Variants in FAM20A observed in about 807,000 individuals in gnomAD.
FAM20A encodes pseudokinase FAM20A.
A neutral mutation model predicts 52.0 loss-of-function variants in FAM20A; 42 were observed. The observed-to-expected ratio is 0.81, with a 90% confidence interval of 0.63 to 1.04. The LOEUF is 1.04. FAM20A is among the 50% of genes least tolerant of loss of function. FAM20A has a pLI of 0.00. For missense variants in FAM20A, 742 were observed against 712.7 expected (o/e 1.04, Z -0.47); for synonymous variants, 304 against 298.9 (o/e 1.02, Z -0.18).
rs765916426 is a variant in FAM20A at position 68,536,782 on chromosome 17, G to T, written c.*695C>A. ...TATTTATTCTGTTACTGGCTGCTTA[G>T]TGTGACATATTTGATGTTATTTCAA... On this transcript the variant is annotated 3_prime_UTR_variant, in exon 11 of 11. Transcript: ENST00000592554. 2.4e-5 allele frequency: 11 copies of T among 453,832 alleles called. No individual in the cohort carries two copies. Among genetic ancestry groups the T allele is most frequent in the African/African-American group, 1.2e-4 (6 of 49,914 alleles). The allele number at this position is 453,832 out of a possible 1,614,324, so 28.1% of individuals were successfully genotyped here.
intron 1 of FAM20A, among the ~76,000 whole-genome samples, chr17:68,575,545 TTA>T (rs548233188): frequency 9.1e-6 from 1 of 110,454 alleles, no homozygotes; most frequent in South Asian, 2.3e-4. Flanking sequence ...ATTTTATATA[TTA>T]TATAATATAT....
chr17:68,545,315 C>T (rs566661708), intron 4 of FAM20A, among the ~76,000 whole-genome samples: 86 of 152,284 alleles, frequency 5.6e-4, no homozygotes, highest in African/African-American at 2.0e-3. Context: ...TATAGACACA[C>T]TTCGGAGATA....
At chr17:68,565,696 C>T (rs1442595613) in intron 1 of FAM20A, among the ~76,000 whole-genome samples, 2 of 151,958 alleles carry the variant, frequency 1.3e-5, no homozygotes, top group African/African-American at 4.8e-5. Flanking sequence ...GCCCAGCCAT[C>T]CATTACCTCT....
intron 5 of FAM20A, among the ~76,000 whole-genome samples, chr17:68,543,207 C>T (rs1033038919): frequency 1.3e-5 from 2 of 152,038 alleles, no homozygotes; most frequent in Non-Finnish European, 2.9e-5. Context: ...CTTGGAAGTG[C>T]CCATGACGCT....
At chr17:68,563,521 T>C (rs763231051) in intron 1 of FAM20A, among the ~76,000 whole-genome samples, 75 of 151,934 alleles carry the variant, frequency 4.9e-4, no homozygotes, top group Admixed American at 2.8e-3. Flanking sequence ...GTCTGCCCCA[T>C]GATGTCCATG....
chr17:68,586,237 G>T lies in FAM20A; in HGVS notation c.404+14026C>A, dbSNP rs188495335. On this transcript the variant is annotated intron_variant, in intron 1 of 10. Coordinates refer to ENST00000592554, the MANE Select transcript of FAM20A (RefSeq NM_017565.4). ...GATTTACCTAAAAGATTAACTCTTG[G>T]ATAAAGATATAGGTATAGATAATCT... Among the ~76,000 whole-genome samples the T allele has an allele frequency of 3.3e-5, 5 of 152,150 alleles. No individual in the cohort carries two copies. In the East Asian group the frequency reaches 9.6e-4, roughly 29 times the overall value.
chr17:68,589,800 A>G (rs1369565442), intron 1 of FAM20A, among the ~76,000 whole-genome samples: 1 of 152,214 alleles, frequency 6.6e-6, no homozygotes, highest in Admixed American at 6.5e-5. Context: ...TAAAAAGTTA[A>G]TCAATGAAAA....
intron 1 of FAM20A, among the ~76,000 whole-genome samples, chr17:68,561,758 C>T (rs765455735): frequency 6.6e-6 from 1 of 152,050 alleles, no homozygotes; most frequent in Non-Finnish European, 1.5e-5. Flanking sequence ...TATTGATGAG[C>T]GTGTAGTTGG....
chr17:68,565,089 A>C (rs1477258748), intron 1 of FAM20A, among the ~76,000 whole-genome samples: 2 of 152,140 alleles, frequency 1.3e-5, no homozygotes, highest in African/African-American at 4.8e-5. Flanking sequence ...TTTTAGAGCA[A>C]AGGTTTATGG....
At chr17:68,540,017 T>C (rs777310810) in intron 8 of FAM20A, 51 bp from the exon 9 acceptor site, 1 of 1,531,468 alleles carries the variant, frequency 6.5e-7, no homozygotes, top group East Asian at 2.3e-5. Context: ...GGGGGACAGG[T>C]GCTCCTGACC....
intron 1 of FAM20A, among the ~76,000 whole-genome samples, chr17:68,565,669 C>T (rs1353450369): frequency 6.6e-6 from 1 of 152,162 alleles, no homozygotes; most frequent in African/African-American, 2.4e-5. Context: ...GCTGGGATTA[C>T]AGGCATGAGC....
chr17:68,549,096 T>C (rs1038698924), intron 4 of FAM20A, among the ~76,000 whole-genome samples: 4 of 152,222 alleles, frequency 2.6e-5, no homozygotes, highest in Admixed American at 2.6e-4. Flanking sequence ...TTAATTTATT[T>C]TCCTGCAAAG....
At chr17:68,549,936 C>T (rs1401069248) in intron 4 of FAM20A, among the ~76,000 whole-genome samples, 1 of 152,194 alleles carries the variant, frequency 6.6e-6, no homozygotes, top group Non-Finnish European at 1.5e-5. Flanking sequence ...CTGAAATTGT[C>T]CCTTGGAAAG....
intron 3 of FAM20A, 79 bp from the exon 4 acceptor site, chr17:68,552,030 C>A: frequency 1.1e-6 from 1 of 900,676 alleles, no homozygotes; most frequent in Non-Finnish European, 1.8e-6. Flanking sequence ...TCAATAAGCC[C>A]AGCTGACTTC....
intron 1 of FAM20A, among the ~76,000 whole-genome samples, chr17:68,564,127 G>A (rs756879021): frequency 2.7e-5 from 4 of 145,748 alleles, no homozygotes; most frequent in Non-Finnish European, 6.0e-5. Context: ...CTATGAACAC[G>A]ATGTCTCATG....
intron 1 of FAM20A, chr17:68,558,313 C>G (rs2087112614): frequency 2.3e-6 from 1 of 438,698 alleles, no homozygotes; most frequent in African/African-American, 2.0e-5. Flanking sequence ...GAGATCCTAG[C>G]AGAAAATGAG....
At chr17:68,540,036 C>T in intron 8 of FAM20A, 70 bp from the exon 9 acceptor site, 1 of 1,362,070 alleles carries the variant, frequency 7.3e-7, no homozygotes. Context: ...CCTGAGTTCT[C>T]TCCAGGGAAC....
chr17:68,539,630 G>C (rs762332400), intron 9 of FAM20A, among the ~76,000 whole-genome samples: 1 of 152,244 alleles, frequency 6.6e-6, no homozygotes, highest in African/African-American at 2.4e-5. Context: ...CAGCCACTGA[G>C]GATGCACCTT....
intron 1 of FAM20A, among the ~76,000 whole-genome samples, chr17:68,575,834 A>ACACACACACACACACACACAT: frequency 7.4e-6 from 1 of 135,502 alleles, no homozygotes; most frequent in Admixed American, 7.8e-5. Context: ...ACACACACAT[A>ACACACACACACACACACACAT]ATCAGCCATT....
Sources: gnomAD v4.1 joint callset for allele counts (sites outside exome capture counted in the v4.1 genomes callset) on GRCh38, gnomAD v4.1.1 for gene constraint, MANE v1.5 for transcripts, NCBI Gene and HGNC (gene_info 2026-07-23, HGNC 2026-07-21) for gene names.